The following SLBP variants were observed in gnomAD, a reference collection of about 807,000 sequenced individuals.
SLBP encodes stem-loop histone mRNA binding protein.
Under a neutral mutation model 39.2 loss-of-function variants are expected in SLBP, and 29 were observed. The observed-to-expected ratio is 0.74, with a 90% CI of 0.55 to 1.01. SLBP has a LOEUF of 1.01. Ranked by LOEUF, SLBP falls within the 50% of genes least tolerant of loss-of-function variation. The pLI is 0.00. For missense variants in SLBP, 390 were observed against 350.2 expected (o/e 1.11, Z -0.91); for synonymous variants, 129 against 118.7 (o/e 1.09, Z -0.57).
chr4:1,712,286 A>T lies in SLBP; in HGVS notation c.-98T>A. 1 of 735,684 alleles carries T rather than the reference A, an allele frequency of 1.4e-6. No individual in the cohort carries two copies. The highest frequency in any genetic ancestry group is 2.7e-5 in the South Asian group (1 of 36,748). 45.6% of individuals were successfully genotyped at this position (735,684 alleles called of 1,614,324 possible). A position where few individuals can be genotyped will look rare whatever the true frequency, so the allele number is the denominator to read the frequency against. ...AGAGCAGGGCAGGGCCTGAGGCAGAAACCCGCGTCCCCGCGCCGGCGCTCA... is the reference window on the plus strand; with the variant it reads ...AGAGCAGGGCAGGGCCTGAGGCAGATACCCGCGTCCCCGCGCCGGCGCTCA... On this transcript the variant is annotated 5_prime_UTR_variant, in exon 1 of 8. Coordinates refer to ENST00000489418, the MANE Select transcript of SLBP (RefSeq NM_006527.4).
intron 2 of SLBP, among the ~76,000 whole-genome samples, chr4:1,706,470 G>A (rs1337515571): frequency 6.6e-6 from 1 of 152,146 alleles, no homozygotes; most frequent in African/African-American, 2.4e-5. Context: ...CCACATCCAG[G>A]AGCTCAGTTC....
At chr4:1,709,940 T>C (rs557433859) in intron 2 of SLBP, among the ~76,000 whole-genome samples, 5 of 151,964 alleles carry the variant, frequency 3.3e-5, no homozygotes, top group African/African-American at 9.7e-5. Context: ...CAATAAATAG[T>C]GTGGAGACCG....
intron 2 of SLBP, among the ~76,000 whole-genome samples, chr4:1,708,974 T>C (rs971433554): frequency 6.6e-6 from 1 of 152,112 alleles, no homozygotes; most frequent in African/African-American, 2.4e-5. Flanking sequence ...CACTGGAGAG[T>C]TCAGAGCTTG....
chr4:1,701,529 G>A (rs573868535), intron 3 of SLBP, among the ~76,000 whole-genome samples: 47 of 152,114 alleles, frequency 3.1e-4, no homozygotes, highest in African/African-American at 9.2e-4. Flanking sequence ...ATTTCATACC[G>A]CTCTTACTGT....
chr4:1,698,779 C>T (rs1400567749), intron 5 of SLBP, among the ~76,000 whole-genome samples: 1 of 148,734 alleles, frequency 6.7e-6, no homozygotes, highest in Non-Finnish European at 1.5e-5. Flanking sequence ...CCACTGCACT[C>T]AGCCAAAAGT....
At chr4:1,708,176 T>C (rs1716596199) in intron 2 of SLBP, among the ~76,000 whole-genome samples, 1 of 151,848 alleles carries the variant, frequency 6.6e-6, no homozygotes, top group African/African-American at 2.4e-5. Context: ...TGCTTGAACT[T>C]GGAAGGCAGA....
intron 3 of SLBP, among the ~76,000 whole-genome samples, chr4:1,703,362 T>C (rs1716401712): frequency 6.6e-6 from 1 of 152,048 alleles, no homozygotes; most frequent in Non-Finnish European, 1.5e-5. Context: ...GTCTTCAAGC[T>C]TGAAAGAGTG....
intron 2 of SLBP, among the ~76,000 whole-genome samples, chr4:1,704,861 A>G (rs1430571032): frequency 6.6e-6 from 1 of 152,088 alleles, no homozygotes; most frequent in Non-Finnish European, 1.5e-5. Context: ...AGACATGTCT[A>G]TACTAAACAG....
intron 2 of SLBP, among the ~76,000 whole-genome samples, chr4:1,711,640 G>A (rs1294946154): frequency 2.0e-5 from 3 of 152,218 alleles, no homozygotes; most frequent in Non-Finnish European, 2.9e-5. Flanking sequence ...TGGCTAACTC[G>A]GGCTGACGCC....
rs1422765486 is a variant in SLBP, at chr4:1,700,015, CTGA to C, written c.334_336del (p.Ser112del). 26 of 1,594,832 alleles carry C rather than the reference CTGA, an allele frequency of 1.6e-5. No individual in the cohort carries two copies. Among genetic ancestry groups the C allele is most frequent in the Non-Finnish European group, 2.1e-5 (25 of 1,168,308 alleles). ...AAACATTTACACAGCCTTTACCTTC[CTGA>C]TGATGATTTTCTCTCTCTTCCAAAG... On this transcript the variant is annotated inframe_deletion, in exon 4 of 8. Transcript: ENST00000489418.
In SLBP at chr4:1,711,899, G is replaced by C. The variant is rs1454397473; in HGVS notation, c.151C>G (p.Arg51Gly). The change falls in exon 2 of 8, where the codon CGC becomes GGC. Residue 51 changes from arginine (R) to glycine (G), a missense_variant. Coordinates refer to ENST00000489418, the MANE Select transcript of SLBP (RefSeq NM_006527.4). ...RPEDAEEAEH[R>G]GAERRPESFT... is the part of the protein sequence containing the mutation. ...CTCTCGGGTCTGCGCTCGGCGCCGC[G>C]GTGCTCTGCCTCCTCGGCGTCTTCG... The C allele has an allele frequency of 1.5e-6, 2 of 1,367,458 alleles. No individual in the cohort carries two copies. Among genetic ancestry groups the C allele is most frequent in the Non-Finnish European group, 1.9e-6 (2 of 1,059,408 alleles). The allele number at this position is 1,367,458 out of a possible 1,614,324, so 84.7% of individuals were successfully genotyped here.
At position 1,711,853 on chromosome 4, in the gene SLBP, AC is replaced by A. The variant is rs1560265332; in HGVS notation, c.176+20del. On this transcript the variant is annotated intron_variant, in intron 2 of 7. Transcript: ENST00000489418. ...TCGTCAAGGGCCCCACCGCGCCCCG[AC>A]CCCCGGGTCCCGCGCCCACCTCTCG... 9 of 1,255,098 alleles carry A rather than the reference AC, an allele frequency of 7.2e-6. No homozygotes were observed. In the South Asian group the frequency reaches 1.1e-4, roughly 16 times the overall value. The allele number at this position is 1,255,098 out of a possible 1,614,324, so 77.7% of individuals were successfully genotyped here. A position where few individuals can be genotyped will look rare whatever the true frequency, so the allele number is the denominator to read the frequency against.
chr4:1,696,183 G>T lies in SLBP; in HGVS notation c.629+19C>A. On this transcript the variant is annotated intron_variant, in intron 6 of 7. Coordinates refer to ENST00000489418, the MANE Select transcript of SLBP (RefSeq NM_006527.4). ...GACCAATCAGAGAATCACAGGACAA[G>T]AATGCAATAAAGACATACATTTCTT... 3 of 1,571,412 alleles carry T rather than the reference G, an allele frequency of 1.9e-6. No individual in the cohort carries two copies. Among genetic ancestry groups the T allele is most frequent in the Non-Finnish European group, 2.6e-6 (3 of 1,158,656 alleles).
At chr4:1,694,612 A>C (rs1716037461) in intron 7 of SLBP, among the ~76,000 whole-genome samples, 162 bp downstream of exon 7, 1 of 151,648 alleles carries the variant, frequency 6.6e-6, no homozygotes, top group South Asian at 2.1e-4. Flanking sequence ...GCTAGTCTTG[A>C]ATTCCTGACT....
intron 7 of SLBP, 22 bp downstream of exon 7, chr4:1,694,752 A>G (rs761960150): frequency 6.3e-7 from 1 of 1,580,658 alleles, no homozygotes; most frequent in Admixed American, 1.7e-5. Context: ...CCCAAGCTGA[A>G]AGACTTATCC....
chr4:1,701,146 C>CT (rs369039404), intron 3 of SLBP, among the ~76,000 whole-genome samples: 2,669 of 123,652 alleles, frequency 0.022, 135 homozygotes, highest in African/African-American at 0.064. Flanking sequence ...TCTTTTTTTT[C>CT]TTTTTTTTTT....
At chr4:1,701,146 C>CTTTTTTTTTTTTTTT (rs369039404) in intron 3 of SLBP, among the ~76,000 whole-genome samples, 1 of 123,676 alleles carries the variant, frequency 8.1e-6, no homozygotes, top group Non-Finnish European at 1.6e-5. Flanking sequence ...TCTTTTTTTT[C>CTTTTTTTTTTTTTTT]TTTTTTTTTT....
At chr4:1,705,398 A>G (rs1256172598) in intron 2 of SLBP, among the ~76,000 whole-genome samples, 2 of 152,252 alleles carry the variant, frequency 1.3e-5, no homozygotes, top group Non-Finnish European at 2.9e-5. Flanking sequence ...ATAATGAAGC[A>G]GGCTACCAAA....
intron 7 of SLBP, 103 bp from the exon 8 acceptor site, chr4:1,693,816 C>A: frequency 2.7e-6 from 2 of 732,794 alleles, no homozygotes; most frequent in Non-Finnish European, 4.9e-6. Context: ...TGATGTAATG[C>A]ACAGCAAGGT....
Sources: allele counts gnomAD v4.1 joint callset (sites outside exome capture counted in the v4.1 genomes callset), GRCh38; gene constraint gnomAD v4.1.1; transcripts MANE v1.5; gene names NCBI Gene and HGNC (gene_info 2026-07-23, HGNC 2026-07-21).